The following MFHAS1 variants were observed in gnomAD, a reference collection of about 807,000 sequenced individuals.
MFHAS1 encodes the protein malignant fibrous histiocytoma-amplified sequence 1.
MFHAS1 carries 50 observed loss-of-function variants against 70.4 expected under a neutral mutation model. That is an observed-to-expected ratio of 0.71 (90% confidence interval 0.57 to 0.90). The LOEUF is 0.90. MFHAS1 is among the 40% of genes least tolerant of loss of function. The pLI is 0.00. For synonymous variants in MFHAS1, 952 were observed against 620.0 expected (o/e 1.54, Z -7.96); for missense variants, 1,795 against 1,347.6 (o/e 1.33, Z -5.20).
chr8:8,790,698 T>C (rs564119259), intron 2 of MFHAS1, among the ~76,000 whole-genome samples: 65 of 152,340 alleles, frequency 4.3e-4, no homozygotes, highest in African/African-American at 1.5e-3. Context: ...TCCATTGTGA[T>C]GAAGCCTAAT....
rs933400182 is a variant in MFHAS1 at position 8,892,744 on chromosome 8, C to G, written c.315G>C (p.Ala105=). Residue 105 remains alanine (A), a synonymous_variant, in exon 1 of 3, where the codon GCG becomes GCC. Coordinates refer to ENST00000276282, the MANE Select transcript of MFHAS1 (RefSeq NM_004225.3). The surrounding 1 kb of genome is among the most constrained non-coding windows in gnomAD (Gnocchi z 4.7). ...RRNRFARLPP[A]VAELGHHLTE... ...TGAGGTGGTGGCCGAGCTCGGCCACCGCCGGGGGCAGCCGGGCGAAGCGGT... is the reference window on the plus strand; with the variant it reads ...TGAGGTGGTGGCCGAGCTCGGCCACGGCCGGGGGCAGCCGGGCGAAGCGGT... 11 of 1,574,568 alleles carry G rather than the reference C, an allele frequency of 7.0e-6. No homozygotes were observed. Among genetic ancestry groups the G allele is most frequent in the East Asian group, 2.3e-5 (1 of 43,456 alleles).
At chr8:8,838,448 G>A (rs1193061568) in intron 1 of MFHAS1, among the ~76,000 whole-genome samples, 5 of 152,080 alleles carry the variant, frequency 3.3e-5, no homozygotes, top group Non-Finnish European at 7.4e-5. Context: ...TTTTCATATT[G>A]AAAGATGAAA....
At chr8:8,800,441 T>A (rs1806047837) in intron 1 of MFHAS1, among the ~76,000 whole-genome samples, 1 of 152,218 alleles carries the variant, frequency 6.6e-6, no homozygotes, top group Non-Finnish European at 1.5e-5. Flanking sequence ...GACTGGAACC[T>A]GGAAGGCATC....
chr8:8,810,145 T>C (rs1012853407), intron 1 of MFHAS1, among the ~76,000 whole-genome samples: 4 of 152,210 alleles, frequency 2.6e-5, no homozygotes, highest in African/African-American at 4.8e-5. Context: ...GGCGGGCAGA[T>C]TGCTTGAGAC....
At position 8,793,875 on chromosome 8, in the gene MFHAS1, T is replaced by C. The variant is rs544416217; in HGVS notation, c.3125+3490A>G. 2.6e-5 allele frequency among the ~76,000 whole-genome samples: 4 copies of C among 152,274 alleles called. No individual in the cohort carries two copies. In the South Asian group the frequency reaches 8.3e-4, roughly 32 times the overall value. ...GGTCCCTTCCCTGAGAAATTCTAAC[T>C]TAACAGGTCTGATTAAGAAAGCCTG... On this transcript the variant is annotated intron_variant, in intron 2 of 2. Transcript: ENST00000276282.
chr8:8,791,460 G>T (rs1240010609), intron 2 of MFHAS1, among the ~76,000 whole-genome samples: 1 of 152,134 alleles, frequency 6.6e-6, no homozygotes, highest in Non-Finnish European at 1.5e-5. Context: ...TATCTGGCAG[G>T]TTATCAAAGA....
chr8:8,839,655 A>T (rs1466412201), intron 1 of MFHAS1, among the ~76,000 whole-genome samples: 1 of 152,202 alleles, frequency 6.6e-6, no homozygotes, highest in Admixed American at 6.5e-5. Flanking sequence ...AAAATCACCA[A>T]GCCACTCTCA....
intron 1 of MFHAS1, among the ~76,000 whole-genome samples, chr8:8,881,677 T>C (rs573958686): frequency 2.0e-5 from 3 of 152,052 alleles, no homozygotes; most frequent in East Asian, 1.9e-4. Context: ...CTACTAAAAA[T>C]ACAAAAATTA....
At chr8:8,852,458 G>A (rs1396328621) in intron 1 of MFHAS1, among the ~76,000 whole-genome samples, 4 of 146,058 alleles carry the variant, frequency 2.7e-5, no homozygotes, top group African/African-American at 1.0e-4. Context: ...AACAAAGCGA[G>A]ACCCTCTCTC....
At chr8:8,808,606 T>C (rs1275423966) in intron 1 of MFHAS1, among the ~76,000 whole-genome samples, 1 of 152,182 alleles carries the variant, frequency 6.6e-6, no homozygotes, top group Non-Finnish European at 1.5e-5. Flanking sequence ...AGAATGAATA[T>C]TCTGTGAAAC....
Position 8,821,994 on chromosome 8 carries a change from G to C in MFHAS1, c.2999-24503C>G, listed in dbSNP as rs939761332. 2.0e-5 allele frequency: 3 copies of C among 152,288 alleles called. No individual in the cohort carries two copies. In the South Asian group the frequency reaches 6.2e-4, roughly 32 times the overall value. 9.4% of individuals were successfully genotyped at this position (152,288 alleles called of 1,614,324 possible). On this transcript the variant is annotated intron_variant, in intron 1 of 2. Transcript: ENST00000276282. Reference sequence around the variant, plus strand: ...TCTAGGCCTGAGTGCACACGTCTAAGGGCAAGGTCACCGCATGCCTCGTAA... The same window carrying C: ...TCTAGGCCTGAGTGCACACGTCTAACGGCAAGGTCACCGCATGCCTCGTAA...
chr8:8,808,690 CCTG>C (rs1420540134), intron 1 of MFHAS1, among the ~76,000 whole-genome samples: 2 of 152,180 alleles, frequency 1.3e-5, no homozygotes, highest in Non-Finnish European at 2.9e-5. Context: ...GGTTACAGCA[CCTG>C]CTAAGTGCTT....
intron 1 of MFHAS1, among the ~76,000 whole-genome samples, chr8:8,855,082 GT>G (rs1563205575): frequency 6.6e-6 from 1 of 152,082 alleles, no homozygotes; most frequent in Non-Finnish European, 1.5e-5. Flanking sequence ...TATATGGGGG[GT>G]TTGGTTCTAG....
rs1159674848 is a variant in MFHAS1 at position 8,893,455 on chromosome 8, T to G, written c.-397A>C. On this transcript the variant is annotated 5_prime_UTR_variant, in exon 1 of 3. Transcript: ENST00000276282. Reference sequence around the variant, plus strand: ...CGCGGCCGGCAGCGGCGTCGCCTCCTCGAGCTCCTGGGGGAGGGCGGCGCT... The same window carrying G: ...CGCGGCCGGCAGCGGCGTCGCCTCCGCGAGCTCCTGGGGGAGGGCGGCGCT... The G allele has an allele frequency of 6.9e-6, 1 of 144,904 alleles. No individual in the cohort carries two copies. The highest frequency in any genetic ancestry group is 2.5e-5 in the African/African-American group (1 of 40,218). 9.0% of individuals were successfully genotyped at this position (144,904 alleles called of 1,614,324 possible).
intron 2 of MFHAS1, among the ~76,000 whole-genome samples, chr8:8,788,860 C>T (rs1156637272): frequency 6.6e-6 from 1 of 152,128 alleles, no homozygotes; most frequent in Non-Finnish European, 1.5e-5. Context: ...GCAGCCACGG[C>T]CCACCACGGC....
intron 1 of MFHAS1, among the ~76,000 whole-genome samples, chr8:8,803,181 G>A (rs956012934): frequency 5.3e-5 from 8 of 152,096 alleles, no homozygotes; most frequent in Admixed American, 2.6e-4. Context: ...TTGCATCCAC[G>A]GATTCAACCA....
chr8:8,825,794 T>C (rs1422590446), intron 1 of MFHAS1, among the ~76,000 whole-genome samples: 2 of 152,220 alleles, frequency 1.3e-5, no homozygotes, highest in Non-Finnish European at 2.9e-5. Context: ...AATTCAGCCA[T>C]AACAAAGGCT....
chr8:8,845,713 A>G (rs1283555962), intron 1 of MFHAS1, among the ~76,000 whole-genome samples: 1 of 152,190 alleles, frequency 6.6e-6, no homozygotes, highest in East Asian at 1.9e-4. Context: ...CCCTATAGAA[A>G]AGCATAGAGA....
Position 8,852,943 on chromosome 8 carries a change from C to T in MFHAS1, c.2998+37118G>A, listed in dbSNP as rs182170302. On this transcript the variant is annotated intron_variant, in intron 1 of 2. Transcript: ENST00000276282. ...AGAAGTGATTGCATTTCCATAAGAA[C>T]ATTTATACCCGGATGTATTTCAGAG... Among the ~76,000 whole-genome samples the T allele has an allele frequency of 2.6e-5, 4 of 152,278 alleles. No homozygotes were observed. The East Asian group carries it at 7.7e-4, about 29-fold the overall frequency.
Sources: gnomAD v4.1 joint callset for allele counts (sites outside exome capture counted in the v4.1 genomes callset) on GRCh38, gnomAD v4.1.1 for gene constraint, Gnocchi (gnomAD v3.1) non-coding constraint, MANE v1.5 for transcripts, NCBI Gene and HGNC (gene_info 2026-07-23, HGNC 2026-07-21) for gene names.